The following TFG variants were observed in gnomAD, a reference collection of about 807,000 sequenced individuals.
TFG encodes the protein protein TFG.
In TFG, 22 loss-of-function variants were observed where a neutral mutation model predicts 51.4. The observed-to-expected ratio is 0.43, with a 90% confidence interval of 0.31 to 0.61. TFG has a LOEUF of 0.61. Among genes scored for constraint, TFG ranks in the 20% least tolerant of loss-of-function variants. The pLI is 0.12. For missense variants in TFG, 419 were observed against 487.7 expected, an observed-to-expected ratio of 0.86 and a Z score of 1.33; for synonymous variants, 187 against 165.6, an observed-to-expected ratio of 1.13 and a Z score of -0.99.
intron 7 of TFG, among the ~76,000 whole-genome samples, chr3:100,745,520 C>T (rs1213271394): frequency 6.6e-6 from 1 of 152,134 alleles, no homozygotes; most frequent in East Asian, 1.9e-4. Context: ...TTCTATTTTA[C>T]CATCTGTCCA....
chr3:100,724,795 T>C (rs1201416989), intron 3 of TFG, among the ~76,000 whole-genome samples: 1 of 152,240 alleles, frequency 6.6e-6, no homozygotes, highest in Admixed American at 6.5e-5. Context: ...GAAAATCACA[T>C]ACTATTTTCC....
intron 4 of TFG, 58 bp downstream of exon 4, chr3:100,728,916 T>TA (rs1346196489): frequency 7.0e-7 from 1 of 1,434,412 alleles, no homozygotes; most frequent in African/African-American, 1.5e-5. Flanking sequence ...TTGGAGGTTT[T>TA]AAAAAACTCT....
rs1434913178 is a variant in TFG at position 100,728,773 on chromosome 3, A to G, written c.330A>G (p.Ile110Met). The G allele has an allele frequency of 3.7e-6, 6 of 1,613,470 alleles. 1 individual carries two copies. The highest frequency in any genetic ancestry group is 5.1e-6 in the Non-Finnish European group (6 of 1,179,690). ...SQVKYLRREL[I>M]ELRNKVNRLL... The stretch of plus-strand genomic sequence containing the variant: ...TGAAATATCTCCGTCGAGAACTGAT[A>G]GAACTTCGAAATAAAGTGAATCGTT... The change falls in exon 4 of 8, where the codon ATA (isoleucine) becomes ATG (methionine). Residue 110 changes from isoleucine to methionine, a missense_variant. Ile to Met is a conservative substitution (Grantham distance 10). Coordinates refer to ENST00000240851, the MANE Select transcript of TFG (RefSeq NM_006070.6).
intron 3 of TFG, among the ~76,000 whole-genome samples, chr3:100,724,170 G>C (rs957023463): frequency 6.6e-6 from 1 of 152,100 alleles, no homozygotes; most frequent in Admixed American, 6.5e-5. Flanking sequence ...GGAAATTTTT[G>C]AGCAAGGTAT....
Position 100,744,895 on chromosome 3 carries a change from C to G in TFG, c.784C>G (p.Pro262Ala). The change falls in exon 7 of 8, where the codon CCT becomes GCT. Residue 262 changes from proline (P) to alanine (A), a missense_variant. Coordinates refer to ENST00000240851, the MANE Select transcript of TFG (RefSeq NM_006070.6). ...TGGTGCACAGCAGCCGCAGGCTCCACCTCAGCAGCCTCAACAGTATGGTAT... is the reference window on the plus strand; with the variant it reads ...TGGTGCACAGCAGCCGCAGGCTCCAGCTCAGCAGCCTCAACAGTATGGTAT... The part of the protein sequence containing the change: ...GYGAQQPQAP[P>A]QQPQQYGIQY... The G allele has an allele frequency of 6.2e-7, 1 of 1,613,604 alleles. No individual in the cohort carries two copies. The highest frequency in any genetic ancestry group is 8.5e-7 in the Non-Finnish European group (1 of 1,179,654).
intron 3 of TFG, among the ~76,000 whole-genome samples, chr3:100,727,834 T>G (rs2095080085): frequency 6.6e-6 from 1 of 152,150 alleles, no homozygotes; most frequent in African/African-American, 2.4e-5. Context: ...AAATTTATAT[T>G]TATTTTTTAA....
chr3:100,736,554 T>C, intron 5 of TFG, 22 bp from the exon 6 acceptor site: 1 of 1,612,660 alleles, frequency 6.2e-7, no homozygotes, highest in Non-Finnish European at 8.5e-7. Context: ...GATACTAAAC[T>C]GACTTTTTTT....
At chr3:100,734,704 T>G (rs2095101817) in intron 5 of TFG, among the ~76,000 whole-genome samples, 1 of 152,170 alleles carries the variant, frequency 6.6e-6, no homozygotes, top group African/African-American at 2.4e-5. Flanking sequence ...GTACAGTCCA[T>G]TTTGTATTTC....
rs1173009495 is a variant in TFG at position 100,720,027 on chromosome 3, G to T, written c.237G>T (p.Gln79His). 1 of 1,576,102 alleles carries T rather than the reference G, an allele frequency of 6.3e-7. No individual in the cohort carries two copies. Among genetic ancestry groups the T allele is most frequent in the Non-Finnish European group, 8.6e-7 (1 of 1,163,614 alleles). ...GTTCTGACCTTTCCTTTGCAATTCA[G>T]TGCAGTAGGATACTGAAACTGACAT... ...FDSSDLSFAI[Q>H]CSRILKLTLF... The change falls in exon 3 of 8, where the codon CAG becomes CAT. Residue 79 changes from glutamine (Q) to histidine (H), a missense_variant. Gln to His is a conservative substitution (Grantham distance 24). This residue lies in a region of TFG where 391 missense variants were observed against 434.4 expected (regional missense o/e 0.90). Coordinates refer to ENST00000240851, the MANE Select transcript of TFG (RefSeq NM_006070.6).
intron 7 of TFG, among the ~76,000 whole-genome samples, chr3:100,746,371 T>G (rs1313284622): frequency 6.6e-6 from 1 of 152,150 alleles, no homozygotes; most frequent in Non-Finnish European, 1.5e-5. Flanking sequence ...TGAAAGAGAT[T>G]GTGACTTGTC....
intron 2 of TFG, among the ~76,000 whole-genome samples, chr3:100,715,079 C>G (rs902808667): frequency 6.6e-6 from 1 of 152,172 alleles, no homozygotes; most frequent in African/African-American, 2.4e-5. Flanking sequence ...TTTTTAAATA[C>G]TTTTACCTCT....
chr3:100,736,847 T>C, intron 6 of TFG, 131 bp downstream of exon 6: 1 of 1,008,200 alleles, frequency 9.9e-7, no homozygotes, highest in East Asian at 2.5e-5. Flanking sequence ...ACTGACATGA[T>C]TTGATGTTAA....
intron 6 of TFG, among the ~76,000 whole-genome samples, chr3:100,740,758 C>T (rs1386734716): frequency 6.6e-6 from 1 of 152,166 alleles, no homozygotes; most frequent in Non-Finnish European, 1.5e-5. Flanking sequence ...TTACTCTTTG[C>T]TTCATCCTGT....
intron 6 of TFG, among the ~76,000 whole-genome samples, chr3:100,740,480 C>T (rs2095118330): frequency 6.6e-6 from 1 of 152,102 alleles, no homozygotes; most frequent in Admixed American, 6.6e-5. Context: ...ATAGCCTGTC[C>T]TCAGAAATGT....
In TFG at chr3:100,728,571, T is replaced by TA. The variant is rs1559713662; in HGVS notation, c.269-141_269-140insA. 3,768 of 621,744 alleles carry TA rather than the reference T, an allele frequency of 6.1e-3. 5 individuals carry two copies. The highest frequency in any genetic ancestry group is 0.011 in the African/African-American group (549 of 51,652). The allele number at this position is 621,744 out of a possible 1,614,324, so 38.5% of individuals were successfully genotyped here. A position where few individuals can be genotyped will look rare whatever the true frequency, so the allele number is the denominator to read the frequency against. On this transcript the variant is annotated intron_variant, in intron 3 of 7. Transcript: ENST00000240851. ...ATTAGCCATAGAGAATTCTTTTTTT[T>TA]TAAAAAAAAAGTTACTCCATTACAT...
At chr3:100,739,816 ATCT>A (rs2095116413) in intron 6 of TFG, among the ~76,000 whole-genome samples, 2 of 152,116 alleles carry the variant, frequency 1.3e-5, no homozygotes, top group Admixed American at 6.6e-5. Context: ...CCAACTGATA[ATCT>A]TCTTTTTAAT....
chr3:100,747,136 T>G (rs757343326), intron 7 of TFG, among the ~76,000 whole-genome samples: 3 of 152,192 alleles, frequency 2.0e-5, no homozygotes, highest in East Asian at 1.9e-4. Context: ...GATTGAGAGA[T>G]ATGGAAATAG....
intron 2 of TFG, among the ~76,000 whole-genome samples, chr3:100,714,269 G>A (rs1022041722): frequency 7.9e-5 from 12 of 152,154 alleles, no homozygotes; most frequent in African/African-American, 2.7e-4. Flanking sequence ...GGAGACCGAG[G>A]TAGGCGGATC....
At chr3:100,724,996 G>C (rs952273824) in intron 3 of TFG, among the ~76,000 whole-genome samples, 2 of 152,116 alleles carry the variant, frequency 1.3e-5, no homozygotes, top group South Asian at 4.1e-4. Context: ...CTCCGCCTCC[G>C]GGGCTCACCC....
Sources: allele counts gnomAD v4.1 joint callset (sites outside exome capture counted in the v4.1 genomes callset), GRCh38; gene constraint gnomAD v4.1.1; regional missense constraint gnomAD v4.1.1; transcripts MANE v1.5; gene names NCBI Gene and HGNC (gene_info 2026-07-23, HGNC 2026-07-21).